PTGER3: variants seen among roughly 807,000 people sequenced by gnomAD.
PTGER3 encodes the protein prostaglandin E2 receptor EP3 subtype.
A neutral mutation model predicts 34.7 loss-of-function variants in PTGER3; 22 were observed. That is an observed-to-expected ratio of 0.63 (90% CI 0.45 to 0.91). The LOEUF is 0.91. Among genes scored for constraint, PTGER3 ranks in the 40% least tolerant of loss-of-function variants. PTGER3 has a pLI of 0.00. For missense variants in PTGER3, 468 were observed against 519.4 expected, an observed-to-expected ratio of 0.90 and a Z score of 0.96; for synonymous variants, 241 against 230.1, an observed-to-expected ratio of 1.05 and a Z score of -0.43.
intron 1 of PTGER3, among the ~76,000 whole-genome samples, chr1:71,015,527 G>A (rs1309612678): frequency 6.6e-6 from 1 of 152,134 alleles, no homozygotes; most frequent in Admixed American, 6.6e-5. Context: ...AGATGTAATT[G>A]TCTATATTAG....
Position 70,953,360 on chromosome 1 carries a change from T to C in PTGER3, c.1105-301A>G, listed in dbSNP as rs187800263. Among the ~76,000 whole-genome samples the C allele has an allele frequency of 2.7e-3, 414 of 152,212 alleles. 8 individuals are homozygous for C. The highest frequency in any genetic ancestry group is 9.6e-3 in the African/African-American group (399 of 41,518). The stretch of plus-strand genomic sequence containing the variant: ...CGAGGAACAACCATACTTCTTTAGG[T>C]TGGCATCACATACTTGGTCTGGCAG... On this transcript the variant is annotated intron_variant, in intron 3 of 3. Coordinates refer to the PTGER3 transcript ENST00000356595.
intron 4 of PTGER3, among the ~76,000 whole-genome samples, chr1:70,917,950 A>ATG (rs1647225861): frequency 6.6e-6 from 1 of 152,064 alleles, no homozygotes; most frequent in South Asian, 2.1e-4. Flanking sequence ...CTGGATATTA[A>ATG]TGCCTTGTCA....
Position 70,971,318 on chromosome 1 carries a change from A to T in PTGER3, c.*412T>A. 1 of 990,088 alleles carries T rather than the reference A, an allele frequency of 1.0e-6. No homozygotes were observed. Among genetic ancestry groups the T allele is most frequent in the African/African-American group, 1.7e-5 (1 of 57,556 alleles). 61.3% of individuals were successfully genotyped at this position (990,088 alleles called of 1,614,324 possible). A position where few individuals can be genotyped will look rare whatever the true frequency, so the allele number is the denominator to read the frequency against. On this transcript the variant is annotated 3_prime_UTR_variant, in exon 4 of 4. Transcript: ENST00000306666. Reference sequence around the variant, plus strand: ...CAATATGTTGACTTTTCACCATCATAAGCTTATACTGATTTTTCAAACTCA... The same window carrying T: ...CAATATGTTGACTTTTCACCATCATTAGCTTATACTGATTTTTCAAACTCA...
chr1:71,042,961 T>C (rs1660445371), intron 1 of PTGER3, among the ~76,000 whole-genome samples: 1 of 152,234 alleles, frequency 6.6e-6, no homozygotes, highest in Admixed American at 6.5e-5. Context: ...TCACTTTTCA[T>C]GATGTTCATA....
In PTGER3 at chr1:70,974,352, T is replaced by C; in HGVS notation, c.1114A>G (p.Thr372Ala). ...GAGGAACACTGGCAGGGTAAGGAGG[T>C]GGAGCTGGATGCATAGTTGTTTGTG... The part of the protein sequence containing the change: ...YHTNNYASSS[T>A]SLPCQCSSTL... The change falls in exon 3 of 4, where the codon ACC becomes GCC. Residue 372 changes from threonine to alanine, a missense_variant. This residue lies in a region of PTGER3 where 57 missense variants were observed against 43.8 expected (regional missense o/e 1.30). Coordinates refer to ENST00000306666, the MANE Select transcript of PTGER3 (RefSeq NM_198719.2). The C allele has an allele frequency of 8.0e-7, 1 of 1,254,460 alleles. No homozygotes were observed. Among genetic ancestry groups the C allele is most frequent in the Non-Finnish European group, 1.2e-6 (1 of 851,942 alleles). The allele number at this position is 1,254,460 out of a possible 1,614,324, so 77.7% of individuals were successfully genotyped here.
intron 4 of PTGER3, among the ~76,000 whole-genome samples, chr1:70,916,917 G>T (rs1647185991): frequency 6.6e-6 from 1 of 151,910 alleles, no homozygotes; most frequent in African/African-American, 2.4e-5. Flanking sequence ...ACACGTAATT[G>T]TATATATTTA....
At chr1:70,955,135 G>T (rs892842858) in intron 2 of PTGER3, among the ~76,000 whole-genome samples, 3 of 152,140 alleles carry the variant, frequency 2.0e-5, no homozygotes, top group African/African-American at 7.2e-5. Context: ...TACAGAATTT[G>T]TAGCCAGACA....
At chr1:70,950,921 G>T (rs1650700678), downstream of PTGER3, 2 of 152,156 alleles carry the variant, frequency 1.3e-5, no homozygotes, top group Non-Finnish European at 2.9e-5. Context: ...TCACCATGTT[G>T]ACCAGGCTGG....
chr1:70,973,263 A>C (rs545876817), intron 3 of PTGER3, among the ~76,000 whole-genome samples: 4 of 149,412 alleles, frequency 2.7e-5, no homozygotes, highest in African/African-American at 9.8e-5. Context: ...AGATAGATAG[A>C]TAGATGATAG....
chr1:70,914,511 T>G (rs1647131548), intron 4 of PTGER3, among the ~76,000 whole-genome samples: 1 of 151,882 alleles, frequency 6.6e-6, no homozygotes, highest in South Asian at 2.1e-4. Context: ...TTTATAGCTG[T>G]TTGTCATTAA....
At chr1:71,046,553 G>A in intron 1 of PTGER3, 128 bp downstream of exon 1, 1 of 1,175,478 alleles carries the variant, frequency 8.5e-7, no homozygotes, top group Non-Finnish European at 1.1e-6. Context: ...GCGCGGGCAG[G>A]AGGAAAGGAC....
chr1:70,945,129 T>G (rs979850589), intron 4 of PTGER3, among the ~76,000 whole-genome samples: 2 of 152,160 alleles, frequency 1.3e-5, no homozygotes, highest in Admixed American at 1.3e-4. Flanking sequence ...AAATCTTTGC[T>G]TAATTTCCCT....
intron 2 of PTGER3, among the ~76,000 whole-genome samples, chr1:71,005,133 G>A (rs1003428365): frequency 1.3e-5 from 2 of 152,184 alleles, no homozygotes; most frequent in East Asian, 3.9e-4. Flanking sequence ...GGGACATTGG[G>A]AAATAACCTA....
At chr1:70,908,227 C>G (rs370575609) in intron 4 of PTGER3, among the ~76,000 whole-genome samples, 1 of 152,150 alleles carries the variant, frequency 6.6e-6, no homozygotes, top group Non-Finnish European at 1.5e-5. Flanking sequence ...GAATTCCCAG[C>G]GTATCATGAC....
intron 2 of PTGER3, 39 bp downstream of exon 2, chr1:71,012,266 C>T (rs1657510395): frequency 3.7e-6 from 6 of 1,613,974 alleles, no homozygotes; most frequent in Non-Finnish European, 5.1e-6. Flanking sequence ...GCTGCCCTTT[C>T]TGTCCATCAT....
chr1:70,929,757 C>G (rs1343737121), intron 4 of PTGER3, among the ~76,000 whole-genome samples: 1 of 152,130 alleles, frequency 6.6e-6, no homozygotes. Context: ...TATTTATTCC[C>G]AAAGCCTCCA....
chr1:70,856,109 G>GA (rs1198428479), intron 4 of PTGER3, among the ~76,000 whole-genome samples: 3 of 151,868 alleles, frequency 2.0e-5, no homozygotes, highest in Non-Finnish European at 2.9e-5. Context: ...CTCTGAAAGA[G>GA]AAAAAAATGC....
intron 2 of PTGER3, among the ~76,000 whole-genome samples, chr1:71,002,025 A>G (rs943543271): frequency 1.3e-5 from 2 of 152,106 alleles, no homozygotes; most frequent in African/African-American, 4.8e-5. Context: ...GGAGGCTAAG[A>G]CAGGAGGAAT....
chr1:71,005,311 C>A (rs1557732891), intron 2 of PTGER3, among the ~76,000 whole-genome samples: 1 of 152,084 alleles, frequency 6.6e-6, no homozygotes, highest in Non-Finnish European at 1.5e-5. Context: ...AAAGTTTAGT[C>A]CATTTGACAG....
Sources: allele counts gnomAD v4.1 joint callset (sites outside exome capture counted in the v4.1 genomes callset), GRCh38; gene constraint gnomAD v4.1.1; regional missense constraint gnomAD v4.1.1; transcripts MANE v1.5; gene names NCBI Gene and HGNC (gene_info 2026-07-23, HGNC 2026-07-21).